The following SDK1 variants were observed in gnomAD, a reference collection of about 807,000 sequenced individuals.
The protein encoded by SDK1 is protein sidekick-1.
SDK1 carries 157 observed loss-of-function variants against 245.5 expected under a neutral mutation model. That is an observed-to-expected ratio of 0.64 (90% CI 0.56 to 0.73). The LOEUF (loss-of-function observed/expected upper bound fraction) is 0.73. Ranked by LOEUF, SDK1 falls within the 30% of genes least tolerant of loss-of-function variation. SDK1 has a pLI of 0.00. For missense variants in SDK1, 3,583 were observed against 3,002.3 expected (o/e 1.19, Z -4.52); for synonymous variants, 1,647 against 1,278.5 (o/e 1.29, Z -6.15).
intron 36 of SDK1, among the ~76,000 whole-genome samples, chr7:4,206,728 G>T (rs539334229): frequency 6.6e-6 from 1 of 152,136 alleles, no homozygotes; most frequent in Non-Finnish European, 1.5e-5. Flanking sequence ...AGCATCCGGG[G>T]TCTTTGCCAT....
intron 1 of SDK1, among the ~76,000 whole-genome samples, chr7:3,423,628 A>G (rs1371966220): frequency 2.0e-5 from 3 of 151,722 alleles, no homozygotes; most frequent in South Asian, 2.1e-4. Flanking sequence ...TAAAGGAGGT[A>G]TATTTCCAGG....
chr7:3,537,237 G>C (rs938529633), intron 1 of SDK1, among the ~76,000 whole-genome samples: 2 of 152,202 alleles, frequency 1.3e-5, no homozygotes, highest in African/African-American at 4.8e-5. Context: ...TCTTGTGTCT[G>C]ACTATCCCAT....
intron 1 of SDK1, among the ~76,000 whole-genome samples, chr7:3,324,352 T>A (rs1045564743): frequency 2.6e-5 from 4 of 152,190 alleles, no homozygotes; most frequent in Non-Finnish European, 4.4e-5. Flanking sequence ...AGCATTAGAA[T>A]ATTTACTAGT....
intron 5 of SDK1, among the ~76,000 whole-genome samples, chr7:3,947,152 C>A (rs1047849145): frequency 6.6e-6 from 1 of 152,098 alleles, no homozygotes; most frequent in African/African-American, 2.4e-5. Context: ...TATACATGAG[C>A]ATGCATGCAT....
At chr7:3,710,997 A>G (rs74727027) in intron 4 of SDK1, among the ~76,000 whole-genome samples, 3,101 of 152,308 alleles carry the variant, frequency 0.02, 104 homozygotes, top group African/African-American at 0.07. Flanking sequence ...AAACTTTACA[A>G]TTAAATTTTA....
In SDK1 at chr7:3,366,031, TTC is replaced by T. The variant is rs762465186; in HGVS notation, c.298+64149_298+64150del. Among the ~76,000 whole-genome samples the T allele has an allele frequency of 9.3e-5, 12 of 129,682 alleles. 1 individual carries two copies. The highest frequency in any genetic ancestry group is 3.4e-4 in the Admixed American group (4 of 11,864). 85.1% of individuals were successfully genotyped at this position (129,682 alleles called of 152,430 possible). A position where few individuals can be genotyped will look rare whatever the true frequency, so the allele number is the denominator to read the frequency against. On this transcript the variant is annotated intron_variant, in intron 1 of 44. Transcript: ENST00000404826. ...TCCAGCTTGGGCGACAAGAATGAAA[TTC>T]TGTCTCAAAAAAAAAAAAAAGTCTC...
chr7:4,235,781 G>A (rs1355236087), intron 41 of SDK1, among the ~76,000 whole-genome samples: 3 of 152,214 alleles, frequency 2.0e-5, no homozygotes, highest in South Asian at 2.1e-4. Flanking sequence ...GAGCTGGACC[G>A]CACTGAGCTC....
intron 22 of SDK1, among the ~76,000 whole-genome samples, chr7:4,097,025 A>G (rs748056632): frequency 7.3e-4 from 111 of 152,370 alleles, no homozygotes; most frequent in Non-Finnish European, 1.1e-3. Context: ...TGGCAAATGC[A>G]GCAGTCCCCA....
intron 35 of SDK1, among the ~76,000 whole-genome samples, chr7:4,205,326 C>T (rs1271410902): frequency 6.6e-6 from 1 of 152,178 alleles, no homozygotes; most frequent in Non-Finnish European, 1.5e-5. Flanking sequence ...TCTCTAATCT[C>T]AATCAGTAAT....
chr7:3,836,593 A>G (rs948650924), intron 5 of SDK1, among the ~76,000 whole-genome samples: 5 of 152,232 alleles, frequency 3.3e-5, no homozygotes, highest in Non-Finnish European at 5.9e-5. Flanking sequence ...TGTAGAAGCA[A>G]CAGGCTAAGA....
chr7:3,530,466 C>T (rs960942651), intron 1 of SDK1, among the ~76,000 whole-genome samples: 1 of 151,830 alleles, frequency 6.6e-6, no homozygotes, highest in Admixed American at 6.6e-5. Context: ...TGTGCAATAA[C>T]CTACAGAAAA....
chr7:3,615,555 CA>C (rs988291264), intron 1 of SDK1, among the ~76,000 whole-genome samples: 1 of 151,716 alleles, frequency 6.6e-6, no homozygotes, highest in African/African-American at 2.4e-5. Context: ...GCTTAAGGGA[CA>C]GCGACTGTGT....
intron 4 of SDK1, among the ~76,000 whole-genome samples, chr7:3,703,867 ATTTTC>A (rs965329984): frequency 1.3e-5 from 2 of 152,006 alleles, no homozygotes; most frequent in Admixed American, 6.6e-5. Flanking sequence ...ATCAACCAAT[ATTTTC>A]TTTATTTTAT....
intron 17 of SDK1, among the ~76,000 whole-genome samples, chr7:4,046,224 G>C (rs533000971): frequency 1.3e-5 from 2 of 152,194 alleles, no homozygotes; most frequent in South Asian, 4.2e-4. Flanking sequence ...TTCCAGCCGT[G>C]AGCCATGAGC....
chr7:4,200,654 C>T (rs140793924), intron 35 of SDK1, among the ~76,000 whole-genome samples: 4 of 152,244 alleles, frequency 2.6e-5, no homozygotes, highest in African/African-American at 9.6e-5. Flanking sequence ...CACAACATGG[C>T]AGCTGGCTTC....
Position 3,958,964 on chromosome 7 carries a change from G to T in SDK1, c.1184G>T (p.Arg395Leu). The T allele has an allele frequency of 1.2e-6, 2 of 1,613,876 alleles. No homozygotes were observed. The highest frequency in any genetic ancestry group is 1.7e-6 in the Non-Finnish European group (2 of 1,179,926). Residue 395 changes from arginine to leucine, a missense_variant, in exon 8 of 45, where the codon CGG becomes CTG. By Grantham distance (102) the Arg-to-Leu change is moderately radical. Coordinates refer to ENST00000404826, the MANE Select transcript of SDK1 (RefSeq NM_152744.4). ...TATTTTACTGCTGAGCCCGAGAGTCGGATTTCAGCTGAAGTAGAAGAAACT... is the reference window on the plus strand; with the variant it reads ...TATTTTACTGCTGAGCCCGAGAGTCTGATTTCAGCTGAAGTAGAAGAAACT... ...PPYFTAEPES[R>L]ISAEVEETVD... is the part of the protein sequence containing the mutation.
intron 28 of SDK1, among the ~76,000 whole-genome samples, chr7:4,139,665 G>GTGTGTGTATATGTATATA (rs1562872545): frequency 4.4e-5 from 3 of 68,696 alleles, no homozygotes; most frequent in South Asian, 9.3e-4. Flanking sequence ...GTGTGTATAT[G>GTGTGTGTATATGTATATA]TGTGTGTGTA....
chr7:3,356,765 C>A (rs1006606459), intron 1 of SDK1, among the ~76,000 whole-genome samples: 1 of 151,964 alleles, frequency 6.6e-6, no homozygotes, highest in African/African-American at 2.4e-5. Flanking sequence ...ACAAAAAATA[C>A]ATCTTTCTGA....
Position 4,174,330 on chromosome 7 carries a change from C to T in SDK1, c.4909C>T (p.Pro1637Ser), listed in dbSNP as rs1049264361. Residue 1637 changes from proline (P) to serine (S), a missense_variant, in exon 33 of 45, where the codon CCT (proline) becomes TCT (serine). Coordinates refer to ENST00000404826, the MANE Select transcript of SDK1 (RefSeq NM_152744.4). ...SGTEAKTLKN[P>S]IALHAELTAQ... ...CACTGAGGCCAAGACGCTCAAAAAC[C>T]CTATAGCTTTACATGCTGAGCTCAC... 9.9e-6 allele frequency: 16 copies of T among 1,613,764 alleles called. No homozygotes were observed. The highest frequency in any genetic ancestry group is 6.7e-5 in the African/African-American group (5 of 74,914).
Sources: allele counts gnomAD v4.1 joint callset (sites outside exome capture counted in the v4.1 genomes callset), GRCh38; gene constraint gnomAD v4.1.1; transcripts MANE v1.5; gene names NCBI Gene and HGNC (gene_info 2026-07-23, HGNC 2026-07-21).